Variants in HPCAL1 observed in about 807,000 individuals in gnomAD.
HPCAL1 encodes hippocalcin-like protein 1.
HPCAL1 carries 8 observed loss-of-function variants against 17.1 expected under a neutral mutation model. The observed-to-expected ratio is 0.47, with a 90% CI of 0.27 to 0.84. HPCAL1 has a LOEUF of 0.84. Ranked by LOEUF, HPCAL1 falls within the 40% of genes least tolerant of loss-of-function variation. The probability of loss-of-function intolerance (pLI) is 0.13; values close to 1 mark genes in which losing one functional copy is unlikely to be tolerated. For synonymous variants in HPCAL1, 112 were observed against 111.4 expected (o/e 1.01, Z -0.03); for missense variants, 165 against 271.1 (o/e 0.61, Z 2.75).
At chr2:10,372,741 G>T (rs900123547) in intron 1 of HPCAL1, among the ~76,000 whole-genome samples, 1 of 152,202 alleles carries the variant, frequency 6.6e-6, no homozygotes, top group Non-Finnish European at 1.5e-5. Flanking sequence ...TCCTCAGAAG[G>T]GCATCACCTG....
intron 1 of HPCAL1, among the ~76,000 whole-genome samples, chr2:10,312,622 T>A (rs1394996145): frequency 6.7e-6 from 1 of 148,982 alleles, no homozygotes; most frequent in Non-Finnish European, 1.5e-5. Flanking sequence ...ACCATTGCCA[T>A]CACCATCACC....
Position 10,336,473 on chromosome 2 carries a change from C to T in HPCAL1, c.-111+33296C>T, listed in dbSNP as rs556419176. Reference sequence around the variant, plus strand: ...TGGGTCATTTATTTATTTAGGTGGACGTGTAGGTTGTTTGCACTTTTGCAT... The same window carrying T: ...TGGGTCATTTATTTATTTAGGTGGATGTGTAGGTTGTTTGCACTTTTGCAT... On this transcript the variant is annotated intron_variant, in intron 1 of 4. Transcript: ENST00000307845. 3.5e-4 allele frequency among the ~76,000 whole-genome samples: 54 copies of T among 152,256 alleles called. No homozygotes were observed. The South Asian group carries it at 7.3e-3, about 20-fold the overall frequency.
intron 2 of HPCAL1, among the ~76,000 whole-genome samples, chr2:10,407,139 G>A (rs1670025997): frequency 1.3e-5 from 2 of 152,162 alleles, no homozygotes; most frequent in Non-Finnish European, 2.9e-5. Flanking sequence ...GTTCACCTGG[G>A]AAGGAGATTG....
intron 1 of HPCAL1, among the ~76,000 whole-genome samples, chr2:10,373,258 G>C (rs1270309397): frequency 6.6e-6 from 1 of 152,230 alleles, no homozygotes; most frequent in Non-Finnish European, 1.5e-5. Flanking sequence ...AGGCGAGGGA[G>C]GTGGTAAGAT....
In HPCAL1 at chr2:10,395,410, G is replaced by A. The variant is rs533995056; in HGVS notation, c.-110-1425G>A. On this transcript the variant is annotated intron_variant, in intron 1 of 4. Coordinates refer to ENST00000307845, the MANE Select transcript of HPCAL1 (RefSeq NM_002149.4). This position sits in a 1 kb window ranked among gnomAD's most constrained non-coding sequence, Gnocchi z 4.4. ...CACCTGCTGTGTCCAGGCTCTGGACGCATAGACGTGAAACGGACGATTTCC... is the reference window on the plus strand; with the variant it reads ...CACCTGCTGTGTCCAGGCTCTGGACACATAGACGTGAAACGGACGATTTCC... 6.6e-5 allele frequency among the ~76,000 whole-genome samples: 10 copies of A among 151,668 alleles called. No homozygotes were observed. Among genetic ancestry groups the A allele is most frequent in the Admixed American group, 1.3e-4 (2 of 15,252 alleles).
intron 1 of HPCAL1, among the ~76,000 whole-genome samples, chr2:10,361,413 G>A (rs889499314): frequency 2.0e-5 from 3 of 152,072 alleles, no homozygotes; most frequent in South Asian, 2.1e-4. Context: ...AGGGAAAAAC[G>A]CCAGCAGAGG....
chr2:10,360,275 C>T lies in HPCAL1; in HGVS notation c.-110-36560C>T, dbSNP rs1279331488. 3.3e-5 allele frequency among the ~76,000 whole-genome samples: 5 copies of T among 152,318 alleles called. No homozygotes were observed. In the East Asian group the frequency reaches 5.8e-4, roughly 18 times the overall value. ...CCCTAGACTCCCAGGCAGGGTGAGCCGAAGGGCCTTGGAGAGTCCCTGAGG... is the reference window on the plus strand; with the variant it reads ...CCCTAGACTCCCAGGCAGGGTGAGCTGAAGGGCCTTGGAGAGTCCCTGAGG... On this transcript the variant is annotated intron_variant, in intron 1 of 4. Coordinates refer to ENST00000307845, the MANE Select transcript of HPCAL1 (RefSeq NM_002149.4).
chr2:10,420,829 C>T (rs536046019), intron 3 of HPCAL1, among the ~76,000 whole-genome samples: 6 of 152,228 alleles, frequency 3.9e-5, no homozygotes, highest in South Asian at 2.1e-4. Flanking sequence ...GGCATGATCT[C>T]GGCTCACTGC....
intron 1 of HPCAL1, among the ~76,000 whole-genome samples, chr2:10,383,052 C>G (rs1445014003): frequency 6.6e-6 from 1 of 152,336 alleles, no homozygotes; most frequent in East Asian, 1.9e-4. Flanking sequence ...TCTGCAACCC[C>G]TTACCATTAG....
chr2:10,409,172 C>T (rs1399741945), intron 2 of HPCAL1, among the ~76,000 whole-genome samples: 2 of 152,122 alleles, frequency 1.3e-5, no homozygotes, highest in African/African-American at 2.4e-5. Flanking sequence ...GGTTTATGTG[C>T]TCAGTAGCCA....
intron 1 of HPCAL1, among the ~76,000 whole-genome samples, chr2:10,373,578 T>C (rs143247678): frequency 1.7e-3 from 253 of 152,216 alleles, no homozygotes; most frequent in Non-Finnish European, 3.2e-3. Context: ...TGAGGTTTTT[T>C]TTTGTTTTTT....
intron 2 of HPCAL1, among the ~76,000 whole-genome samples, chr2:10,399,778 C>T (rs1669475960): frequency 6.6e-6 from 1 of 152,162 alleles, no homozygotes; most frequent in Non-Finnish European, 1.5e-5. Context: ...GCAGCACCTG[C>T]ATACTAAGGC....
chr2:10,399,543 ATCACCG>A (rs1669435419), intron 2 of HPCAL1, among the ~76,000 whole-genome samples: 4 of 99,422 alleles, frequency 4.0e-5, no homozygotes, highest in East Asian at 2.6e-4. Flanking sequence ...CACCGCCACC[ATCACCG>A]CCACCACTAC....
chr2:10,395,279 A>G lies in HPCAL1; in HGVS notation c.-110-1556A>G, dbSNP rs1350494879. Among the ~76,000 whole-genome samples, 3 of 152,140 alleles carry G rather than the reference A, an allele frequency of 2.0e-5. No homozygotes were observed. Among genetic ancestry groups the G allele is most frequent in the Non-Finnish European group, 4.4e-5 (3 of 68,020 alleles). ...TTCCATAATTGGCCTACAAAATTCT[A>G]TATTTGGGAAACAGTAGAAATTTAA... On this transcript the variant is annotated intron_variant, in intron 1 of 4. Coordinates refer to ENST00000307845, the MANE Select transcript of HPCAL1 (RefSeq NM_002149.4). This position sits in a 1 kb window ranked among gnomAD's most constrained non-coding sequence, Gnocchi z 4.4.
At chr2:10,387,182 C>T (rs1297130946) in intron 1 of HPCAL1, among the ~76,000 whole-genome samples, 1 of 152,252 alleles carries the variant, frequency 6.6e-6, no homozygotes, top group Non-Finnish European at 1.5e-5. Flanking sequence ...GTGCCACATT[C>T]AGCCTTCTGT....
intron 1 of HPCAL1, among the ~76,000 whole-genome samples, chr2:10,339,319 A>AT (rs772333157): frequency 0.016 from 2,135 of 132,748 alleles, 43 homozygotes; most frequent in African/African-American, 0.052. Context: ...TGCCCACCTA[A>AT]TTTTTTTTTT....
intron 1 of HPCAL1, among the ~76,000 whole-genome samples, chr2:10,357,954 G>A (rs1394893075): frequency 6.6e-6 from 1 of 152,228 alleles, no homozygotes; most frequent in African/African-American, 2.4e-5. Flanking sequence ...AGGAAAACAA[G>A]CTGTGACCTT....
At chr2:10,314,255 A>T (rs1409071397) in intron 1 of HPCAL1, among the ~76,000 whole-genome samples, 1 of 152,070 alleles carries the variant, frequency 6.6e-6, no homozygotes, top group Admixed American at 6.5e-5. Context: ...ACATTGAGGA[A>T]TACATTTGTG....
At chr2:10,353,485 C>T (rs528039320) in intron 1 of HPCAL1, among the ~76,000 whole-genome samples, 5 of 152,290 alleles carry the variant, frequency 3.3e-5, no homozygotes, top group African/African-American at 9.6e-5. Context: ...TGGCCCCTGG[C>T]AACTGGTTTG....
Sources: gnomAD v4.1 joint callset for allele counts (sites outside exome capture counted in the v4.1 genomes callset) on GRCh38, gnomAD v4.1.1 for gene constraint, Gnocchi (gnomAD v3.1) non-coding constraint, MANE v1.5 for transcripts, NCBI Gene and HGNC (gene_info 2026-07-23, HGNC 2026-07-21) for gene names.